The following RBFOX1 variants were observed in gnomAD, a reference collection of about 807,000 sequenced individuals.
The protein encoded by RBFOX1 is RNA binding protein fox-1 homolog 1.
A neutral mutation model predicts 57.7 loss-of-function variants in RBFOX1; 8 were observed. The ratio of observed to expected loss-of-function variants is 0.14; its 90% CI spans 0.08 to 0.25. RBFOX1 has a LOEUF of 0.25. Ranked by LOEUF, RBFOX1 falls within the 10% of genes least tolerant of loss-of-function variation. The pLI is 1.00. For missense variants in RBFOX1, 611 were observed against 548.5 expected (o/e 1.11, Z -1.14); for synonymous variants, 326 against 222.4 (o/e 1.47, Z -4.15).
At chr16:6,643,692 C>A (rs1453990358) in intron 2 of RBFOX1, among the ~76,000 whole-genome samples, 1 of 152,140 alleles carries the variant, frequency 6.6e-6, no homozygotes, top group Non-Finnish European at 1.5e-5. Flanking sequence ...CTCCCTTATG[C>A]TTTTAATCAT....
At chr16:5,388,300 T>G (rs745455758) in intron 1 of RBFOX1, among the ~76,000 whole-genome samples, 39 of 152,128 alleles carry the variant, frequency 2.6e-4, no homozygotes, top group Non-Finnish European at 4.4e-4. Context: ...GTTGGGGGCT[T>G]CTTTGTAGTG....
intron 4 of RBFOX1, among the ~76,000 whole-genome samples, chr16:7,108,055 C>G (rs2063930700): frequency 6.6e-6 from 1 of 152,062 alleles, no homozygotes; most frequent in African/African-American, 2.4e-5. Context: ...AAGGATGAAT[C>G]AAGCAAAGAT....
intron 2 of RBFOX1, among the ~76,000 whole-genome samples, chr16:6,409,569 G>T (rs1357417047): frequency 6.6e-6 from 1 of 152,134 alleles, no homozygotes; most frequent in Non-Finnish European, 1.5e-5. Context: ...ATGAAAAGTT[G>T]TGGGATTTTT....
intron 1 of RBFOX1, among the ~76,000 whole-genome samples, chr16:6,025,089 G>A (rs979559077): frequency 6.6e-6 from 1 of 152,236 alleles, no homozygotes; most frequent in African/African-American, 2.4e-5. Context: ...GGGATTTTAT[G>A]CAGAGAGATA....
intron 14 of RBFOX1, among the ~76,000 whole-genome samples, chr16:7,692,521 C>T (rs986634048): frequency 4.6e-5 from 7 of 152,082 alleles, no homozygotes; most frequent in African/African-American, 4.8e-5. Flanking sequence ...AAACCCAGAG[C>T]CCCTGTACTG....
chr16:6,396,553 A>T (rs189018866), intron 2 of RBFOX1, among the ~76,000 whole-genome samples: 3 of 152,330 alleles, frequency 2.0e-5, no homozygotes. Context: ...CCATAGCTGG[A>T]CGACTGAAAG....
chr16:6,867,601 C>A lies in RBFOX1; in HGVS notation c.-15-184456C>A, dbSNP rs189020972. 1.3e-4 allele frequency among the ~76,000 whole-genome samples: 20 copies of A among 152,206 alleles called. 1 individual carries two copies. The East Asian group carries it at 3.9e-3, about 29-fold the overall frequency. ...AGGCGTGGTGGTACCGGCCTGTAAT[C>A]CCAGCTACTTGGGAGGCTCAGGCAG... On this transcript the variant is annotated intron_variant, in intron 3 of 15. Coordinates refer to ENST00000550418, the MANE Select transcript of RBFOX1 (RefSeq NM_018723.4).
chr16:7,707,807 G>A (rs1354531408), intron 14 of RBFOX1, among the ~76,000 whole-genome samples: 3 of 152,178 alleles, frequency 2.0e-5, no homozygotes, highest in Admixed American at 2.0e-4. Context: ...ATTCATCTCA[G>A]ACGTTGCGTT....
chr16:5,442,231 G>C (rs1289824328), intron 1 of RBFOX1, among the ~76,000 whole-genome samples: 4 of 152,236 alleles, frequency 2.6e-5, no homozygotes, highest in Non-Finnish European at 5.9e-5. Context: ...GGAGGATGTA[G>C]AAGGGCATTC....
chr16:6,756,154 T>TA lies in RBFOX1; in HGVS notation c.-16+101510dup, dbSNP rs543996835. Among the ~76,000 whole-genome samples, 258 of 152,268 alleles carry TA rather than the reference T, an allele frequency of 1.7e-3. 1 individual carries two copies. In the Middle Eastern group the frequency reaches 0.031, roughly 18 times the overall value. ...TCTTCAACATTTAATTTCAAGCATT[T>TA]AAAAAATATATACTGTAGTACCATT... is the stretch of plus-strand genomic sequence containing the variant. On this transcript the variant is annotated intron_variant, in intron 3 of 15. Transcript: ENST00000550418.
At chr16:7,285,249 G>A (rs1395672108) in intron 4 of RBFOX1, among the ~76,000 whole-genome samples, 1 of 151,840 alleles carries the variant, frequency 6.6e-6, no homozygotes. Flanking sequence ...GAGTTCCAAT[G>A]TACCCTTTAC....
chr16:5,285,879 C>G (rs935896282), intron 1 of RBFOX1, among the ~76,000 whole-genome samples: 4 of 152,174 alleles, frequency 2.6e-5, no homozygotes, highest in Non-Finnish European at 5.9e-5. Context: ...TCAAGCGATT[C>G]TCCTGCCTCA....
intron 2 of RBFOX1, among the ~76,000 whole-genome samples, chr16:5,498,103 C>T (rs2043063240): frequency 6.6e-6 from 1 of 152,038 alleles, no homozygotes; most frequent in South Asian, 2.1e-4. Flanking sequence ...CTGGAGGTCA[C>T]TGAAGGTCTT....
At chr16:5,758,569 C>T (rs1233383990) in intron 3 of RBFOX1, among the ~76,000 whole-genome samples, 1 of 152,174 alleles carries the variant, frequency 6.6e-6, no homozygotes, top group Non-Finnish European at 1.5e-5. Flanking sequence ...TTTACAGTGA[C>T]ACTCTTAGAA....
At chr16:7,583,148 CTTT>C (rs34658435) in intron 6 of RBFOX1, among the ~76,000 whole-genome samples, 8 of 132,374 alleles carry the variant, frequency 6.0e-5, no homozygotes, top group African/African-American at 2.2e-4. Context: ...TCTAGCTCAT[CTTT>C]TTTTTTTTTT....
At chr16:7,567,774 T>G (rs1422900150) in intron 5 of RBFOX1, among the ~76,000 whole-genome samples, 1 of 147,712 alleles carries the variant, frequency 6.8e-6, no homozygotes, top group Non-Finnish European at 1.5e-5. Flanking sequence ...TATATCCCTC[T>G]CTATATATAT....
At chr16:6,209,298 G>C (rs1368642689) in intron 1 of RBFOX1, among the ~76,000 whole-genome samples, 1 of 152,172 alleles carries the variant, frequency 6.6e-6, no homozygotes, top group East Asian at 1.9e-4. Flanking sequence ...GCTGTCTTTA[G>C]CAGTTGGGGT....
chr16:6,185,122 T>C (rs1305619316), intron 1 of RBFOX1, among the ~76,000 whole-genome samples: 2 of 152,276 alleles, frequency 1.3e-5, no homozygotes, highest in Non-Finnish European at 2.9e-5. Context: ...TTCTTATGGA[T>C]GGCATTAGAC....
intron 4 of RBFOX1, among the ~76,000 whole-genome samples, chr16:5,960,727 C>T (rs2059730965): frequency 6.6e-6 from 1 of 152,166 alleles, no homozygotes; most frequent in Non-Finnish European, 1.5e-5. Context: ...CCTCCTCCAT[C>T]ATTCTGTCAG....
Sources: gnomAD v4.1 joint callset for allele counts (sites outside exome capture counted in the v4.1 genomes callset) on GRCh38, gnomAD v4.1.1 for gene constraint, MANE v1.5 for transcripts, NCBI Gene and HGNC (gene_info 2026-07-23, HGNC 2026-07-21) for gene names.